Variants in CHD9 observed in about 807,000 individuals in gnomAD.
The protein encoded by CHD9 is chromodomain helicase DNA binding protein 9.
CHD9 carries 77 observed loss-of-function variants against 316.1 expected under a neutral mutation model. The ratio of observed to expected loss-of-function variants is 0.24; its 90% confidence interval spans 0.20 to 0.29. The LOEUF (loss-of-function observed/expected upper bound fraction) is 0.29, where lower values mean the gene tolerates loss of function less well. Among genes scored for constraint, CHD9 ranks in the 10% least tolerant of loss-of-function variants. CHD9 has a pLI of 1.00. For synonymous variants in CHD9, 1,129 were observed against 1,158.3 expected (o/e 0.97, Z 0.51); for missense variants, 2,763 against 3,438.1 (o/e 0.80, Z 4.91).
chr16:53,112,086 T>C (rs373859589), intron 1 of CHD9, among the ~76,000 whole-genome samples: 2 of 152,236 alleles, frequency 1.3e-5, no homozygotes. Flanking sequence ...CCTCTAAATT[T>C]GCTTCTCGAT....
intron 1 of CHD9, among the ~76,000 whole-genome samples, chr16:53,126,826 G>C (rs1230389956): frequency 6.6e-6 from 1 of 151,818 alleles, no homozygotes; most frequent in Non-Finnish European, 1.5e-5. Flanking sequence ...TTACAGGCAT[G>C]TGCCACCACA....
intron 1 of CHD9, among the ~76,000 whole-genome samples, chr16:53,137,212 C>T (rs62047989): frequency 0.31 from 47,288 of 151,868 alleles, 7,550 homozygotes; most frequent in Middle Eastern, 0.36. Context: ...GACCTCCTGA[C>T]CTGCCCGCCT....
At chr16:53,253,226 G>A (rs374038842) in intron 17 of CHD9, among the ~76,000 whole-genome samples, 1 of 149,068 alleles carries the variant, frequency 6.7e-6, no homozygotes, top group South Asian at 2.1e-4. Flanking sequence ...ATATGTGTGT[G>A]TATATATATA....
At chr16:53,066,755 G>A (rs1207208148) in intron 1 of CHD9, among the ~76,000 whole-genome samples, 1 of 152,188 alleles carries the variant, frequency 6.6e-6, no homozygotes, top group African/African-American at 2.4e-5. Context: ...GGGACAGAGA[G>A]GCTGTCATCA....
At chr16:53,285,539 C>T in intron 24 of CHD9, 57 bp from the exon 25 acceptor site, 1 of 1,067,990 alleles carries the variant, frequency 9.4e-7, no homozygotes. Context: ...TAAAATTTTG[C>T]CTCCTTTTTG....
chr16:53,249,794 T>C, intron 16 of CHD9, 77 bp from the exon 17 acceptor site: 2 of 1,163,990 alleles, frequency 1.7e-6, no homozygotes, highest in South Asian at 2.6e-5. Context: ...GCAGGAAAAC[T>C]GACTTTACAT....
intron 2 of CHD9, among the ~76,000 whole-genome samples, chr16:53,202,407 T>C (rs531830803): frequency 6.6e-6 from 1 of 152,172 alleles, no homozygotes; most frequent in Admixed American, 6.5e-5. Flanking sequence ...TTTTTTTTTT[T>C]TTCTGTTTTG....
intron 2 of CHD9, among the ~76,000 whole-genome samples, chr16:53,198,429 C>T (rs1012209580): frequency 1.3e-5 from 2 of 150,064 alleles, no homozygotes; most frequent in Non-Finnish European, 1.5e-5. Flanking sequence ...CGGGTTCAAG[C>T]GATTCCCCTG....
chr16:53,282,718 G>A (rs777464616), intron 24 of CHD9, among the ~76,000 whole-genome samples: 1 of 152,084 alleles, frequency 6.6e-6, no homozygotes, highest in Non-Finnish European at 1.5e-5. Context: ...CCAGATGTTC[G>A]CTGATATTCT....
At chr16:53,181,644 T>A (rs1017766515) in intron 2 of CHD9, among the ~76,000 whole-genome samples, 3 of 152,190 alleles carry the variant, frequency 2.0e-5, no homozygotes, top group African/African-American at 7.2e-5. Flanking sequence ...AGTGCTTTTT[T>A]AACATGTTTT....
At chr16:53,140,435 A>T (rs2040024954) in intron 1 of CHD9, among the ~76,000 whole-genome samples, 1 of 151,608 alleles carries the variant, frequency 6.6e-6, no homozygotes, top group African/African-American at 2.4e-5. Context: ...AAAAAAAAAG[A>T]ATATTTAGAT....
intron 1 of CHD9, among the ~76,000 whole-genome samples, chr16:53,129,351 C>G (rs959447903): frequency 6.6e-6 from 1 of 152,112 alleles, no homozygotes; most frequent in African/African-American, 2.4e-5. Context: ...GTGTGGGGGG[C>G]CCCAGAGATA....
intron 2 of CHD9, among the ~76,000 whole-genome samples, chr16:53,167,804 T>C (rs2152771363): frequency 6.6e-6 from 1 of 151,162 alleles, no homozygotes; most frequent in East Asian, 1.9e-4. Flanking sequence ...CCTATATTTA[T>C]TACAAATTAT....
intron 29 of CHD9, among the ~76,000 whole-genome samples, chr16:53,295,863 C>G (rs2054735989): frequency 6.6e-6 from 1 of 152,332 alleles, no homozygotes; most frequent in Admixed American, 6.5e-5. Context: ...GTTTGCAGAT[C>G]TATGGTGCAT....
intron 1 of CHD9, among the ~76,000 whole-genome samples, chr16:53,139,884 G>A (rs1470091799): frequency 2.6e-5 from 4 of 151,850 alleles, no homozygotes; most frequent in Admixed American, 1.3e-4. Flanking sequence ...GATCACATGA[G>A]CCCAGGGGTT....
intron 1 of CHD9, among the ~76,000 whole-genome samples, chr16:53,064,924 G>A (rs1317938420): frequency 1.3e-5 from 2 of 151,950 alleles, no homozygotes; most frequent in Admixed American, 6.6e-5. Context: ...AGCTGAGATC[G>A]CACCATTGCA....
chr16:53,208,408 G>T, intron 2 of CHD9: 1 of 1,262,566 alleles, frequency 7.9e-7, no homozygotes, highest in Middle Eastern at 2.2e-4. Context: ...AGGCTAATGG[G>T]ATTGAATAAC....
chr16:53,063,633 G>A (rs1336141076), intron 1 of CHD9, among the ~76,000 whole-genome samples: 2 of 151,876 alleles, frequency 1.3e-5, no homozygotes, highest in Non-Finnish European at 2.9e-5. Context: ...TCGGGTTCAC[G>A]CCATTCTCCT....
rs2034494660 is a variant in CHD9, at chr16:53,076,043, G to C, written c.-165+20966G>C. Among the ~76,000 whole-genome samples, 3 of 151,966 alleles carry C rather than the reference G, an allele frequency of 2.0e-5. No individual in the cohort carries two copies. In the South Asian group the frequency reaches 6.2e-4, roughly 32 times the overall value. On this transcript the variant is annotated intron_variant, in intron 1 of 38. Transcript: ENST00000447540. ...TCAAGCATCTTTTCATGTGCTTATT[G>C]GCCGTTTATATATCTTCTTTGGAGA...
Sources: allele counts gnomAD v4.1 joint callset (sites outside exome capture counted in the v4.1 genomes callset), GRCh38; gene constraint gnomAD v4.1.1; transcripts MANE v1.5; gene names NCBI Gene and HGNC (gene_info 2026-07-23, HGNC 2026-07-21).